HOXD9: variants seen among roughly 807,000 people sequenced by gnomAD.
HOXD9 encodes homeobox D9.
HOXD9 carries 21 observed loss-of-function variants against 24.6 expected under a neutral mutation model. The ratio of observed to expected loss-of-function variants is 0.85; its 90% CI spans 0.61 to 1.23. The LOEUF (loss-of-function observed/expected upper bound fraction) is 1.23, where lower values mean the gene tolerates loss of function less well. Among genes scored for constraint, HOXD9 ranks in the 50% most tolerant of loss-of-function variants. The pLI is 0.00. For missense variants in HOXD9, 503 were observed against 503.6 expected (o/e 1.00, Z 0.01); for synonymous variants, 240 against 226.4 (o/e 1.06, Z -0.54).
rs770786126 is a variant in HOXD9 at position 176,122,725 on chromosome 2, T to C, written c.-44T>C. On this transcript the variant is annotated 5_prime_UTR_variant, in exon 1 of 2. Coordinates refer to ENST00000249499, the MANE Select transcript of HOXD9 (RefSeq NM_014213.4). ...AGGCTGCAGCCTGCGAACTAGTCGG[T>C]GGCTCGGGCGCCGGCGGGGAGCTGC... The C allele has an allele frequency of 1.4e-6, 2 of 1,454,316 alleles. No homozygotes were observed. Among genetic ancestry groups the C allele is most frequent in the Non-Finnish European group, 1.8e-6 (2 of 1,104,894 alleles). 90.1% of individuals were successfully genotyped at this position (1,454,316 alleles called of 1,614,324 possible).
At position 176,122,904 on chromosome 2, in the gene HOXD9, C is replaced by CA. The variant is rs1271025951; in HGVS notation, c.137dup (p.Arg48ProfsTer7). 6.3e-7 allele frequency: 1 copy of CA among 1,587,944 alleles called. No individual in the cohort carries two copies. The highest frequency in any genetic ancestry group is 8.6e-7 in the Non-Finnish European group (1 of 1,168,906). ...CTTCGGGCCGCCGGGGCCAGGCGCG[C>CA]AGGGCCGGCCTGCAGGTGTGGCTGA... On this transcript the variant is annotated frameshift_variant, in exon 1 of 2. Transcript: ENST00000249499. LOFTEE classifies it high-confidence loss of function.
In HOXD9 at chr2:176,123,017, C is replaced by A; in HGVS notation, c.249C>A (p.Pro83=). The A allele has an allele frequency of 1.9e-6, 3 of 1,590,256 alleles. No homozygotes were observed. Among genetic ancestry groups the A allele is most frequent in the Non-Finnish European group, 2.6e-6 (3 of 1,170,884 alleles). ...TCTCTGCCTCGTGGTCCGCGGTGCC[C>A]TCCCAGCCCCCGGCAGCGGCGGCGA... is the stretch of plus-strand genomic sequence containing the variant. ...AVFSASWSAV[P]SQPPAAAAMS... is the part of the protein sequence containing the mutation. The change falls in exon 1 of 2, where the codon CCC becomes CCA. Residue 83 remains proline (P), a synonymous_variant. Transcript: ENST00000249499. The surrounding 1 kb of genome is among the most constrained non-coding windows in gnomAD (Gnocchi z 4.2).
Position 176,122,983 on chromosome 2 carries a change from C to A in HOXD9, c.215C>A (p.Ser72Ter). The change falls in exon 1 of 2, where the codon TCG becomes TAG. Residue 72 changes from serine to a stop codon, truncating the protein, a stop_gained. Transcript: ENST00000249499. LOFTEE classifies it high-confidence loss of function. ...GCCTCGTGTAGTTTTGCCCCCAGATCGGCCGTGTTCTCTGCCTCGTGGTCC... is the reference window on the plus strand; with the variant it reads ...GCCTCGTGTAGTTTTGCCCCCAGATAGGCCGTGTTCTCTGCCTCGTGGTCC... ...EFASCSFAPR[S>*]AVFSASWSAV... 1.3e-6 allele frequency: 2 copies of A among 1,597,240 alleles called. No homozygotes were observed. The highest frequency in any genetic ancestry group is 8.5e-7 in the Non-Finnish European group (1 of 1,173,670).
chr2:176,122,983 C>T lies in HOXD9; in HGVS notation c.215C>T (p.Ser72Leu). 1 of 1,597,242 alleles carries T rather than the reference C, an allele frequency of 6.3e-7. No homozygotes were observed. The highest frequency in any genetic ancestry group is 8.5e-7 in the Non-Finnish European group (1 of 1,173,670). The change falls in exon 1 of 2, where the codon TCG (serine) becomes TTG (leucine). Residue 72 changes from serine to leucine, a missense_variant. By Grantham distance (145) the Ser-to-Leu change is moderately radical. Transcript: ENST00000249499. ...GCCTCGTGTAGTTTTGCCCCCAGATCGGCCGTGTTCTCTGCCTCGTGGTCC... is the reference window on the plus strand; with the variant it reads ...GCCTCGTGTAGTTTTGCCCCCAGATTGGCCGTGTTCTCTGCCTCGTGGTCC... ...EFASCSFAPR[S>L]AVFSASWSAV... is the part of the protein sequence containing the mutation.
Position 176,124,367 on chromosome 2 carries a change from G to T in HOXD9, c.*192G>T. 1.3e-6 allele frequency: 1 copy of T among 773,188 alleles called. No homozygotes were observed. Among genetic ancestry groups the T allele is most frequent in the Non-Finnish European group, 1.8e-6 (1 of 542,420 alleles). 47.9% of individuals were successfully genotyped at this position (773,188 alleles called of 1,614,324 possible). On this transcript the variant is annotated 3_prime_UTR_variant, in exon 2 of 2. Transcript: ENST00000249499. ...GAGGTATTTGGGGGACTCTGTATTTGCTCGTTTACGTGTTGGAAAAACCAA... is the reference window on the plus strand; with the variant it reads ...GAGGTATTTGGGGGACTCTGTATTTTCTCGTTTACGTGTTGGAAAAACCAA...
chr2:176,123,575 A>G lies in HOXD9; in HGVS notation c.807A>G (p.Gln269=), dbSNP rs200391181. 7.4e-7 allele frequency: 1 copy of G among 1,343,142 alleles called. No individual in the cohort carries two copies. Among genetic ancestry groups the G allele is most frequent in the Non-Finnish European group, 1.0e-6 (1 of 1,000,556 alleles). The allele number at this position is 1,343,142 out of a possible 1,614,324, so 83.2% of individuals were successfully genotyped here. The change falls in exon 1 of 2, where the codon CAA becomes CAG. Residue 269 remains glutamine, a synonymous_variant. Coordinates refer to ENST00000249499, the MANE Select transcript of HOXD9 (RefSeq NM_014213.4). The surrounding 1 kb of genome is among the most constrained non-coding windows in gnomAD (Gnocchi z 4.2). ...AGCATTCGCAGCCGCAGCAGCAGCA[A>G]CTTGACCCAAGTAAGTGCAAAAGAA... ...EKQHSQPQQQ[Q]LDPNNPAANW...
rs1302111840 is a variant in HOXD9, at chr2:176,124,781, A to T, written c.*606A>T. 2 of 152,376 alleles carry T rather than the reference A, an allele frequency of 1.3e-5. No individual in the cohort carries two copies. Among genetic ancestry groups the T allele is most frequent in the Admixed American group, 6.5e-5 (1 of 15,282 alleles). 9.4% of individuals were successfully genotyped at this position (152,376 alleles called of 1,614,324 possible). ...GCGGGTTGGGGTTTGTCCTCAGTGC[A>T]TTGGACGCGCTGCTCTCTCCCCTGA... is the stretch of plus-strand genomic sequence containing the variant. On this transcript the variant is annotated 3_prime_UTR_variant, in exon 2 of 2. Coordinates refer to ENST00000249499, the MANE Select transcript of HOXD9 (RefSeq NM_014213.4).
At position 176,123,699 on chromosome 2, in the gene HOXD9, A is replaced by T; in HGVS notation, c.817+114A>T. On this transcript the variant is annotated intron_variant, in intron 1 of 1. Coordinates refer to ENST00000249499, the MANE Select transcript of HOXD9 (RefSeq NM_014213.4). This position sits in a 1 kb window ranked among gnomAD's most constrained non-coding sequence, Gnocchi z 4.2. ...AACGTCTAGACGCCTACCCAAGCCT[A>T]GGCGAACAACATGCATCCATAAAAA... 7.4e-7 allele frequency: 1 copy of T among 1,346,922 alleles called. No individual in the cohort carries two copies. Among genetic ancestry groups the T allele is most frequent in the South Asian group, 1.8e-5 (1 of 56,700 alleles). 83.4% of individuals were successfully genotyped at this position (1,346,922 alleles called of 1,614,324 possible).
In HOXD9 at chr2:176,122,943, A is replaced by G; in HGVS notation, c.175A>G (p.Thr59Ala). 5.1e-6 allele frequency: 8 copies of G among 1,581,524 alleles called. No homozygotes were observed. Among genetic ancestry groups the G allele is most frequent in the Non-Finnish European group, 6.9e-6 (8 of 1,166,554 alleles). The change falls in exon 1 of 2, where the codon ACC (threonine) becomes GCC (alanine). Residue 59 changes from threonine to alanine, a missense_variant. By Grantham distance (58) the Thr-to-Ala change is moderately conservative. Coordinates refer to ENST00000249499, the MANE Select transcript of HOXD9 (RefSeq NM_014213.4). ...AGGTGTGGCTGATGGCCCGGCCGCCACCGCCGCCGAGTTCGCCTCGTGTAG... is the reference window on the plus strand; with the variant it reads ...AGGTGTGGCTGATGGCCCGGCCGCCGCCGCCGCCGAGTTCGCCTCGTGTAG... The part of the protein sequence containing the change: ...PAGVADGPAA[T>A]AAEFASCSFA...
In HOXD9 at chr2:176,123,796, T is replaced by A; in HGVS notation, c.818-138T>A. 1 of 1,020,932 alleles carries A rather than the reference T, an allele frequency of 9.8e-7. No homozygotes were observed. Among genetic ancestry groups the A allele is most frequent in the Non-Finnish European group, 1.4e-6 (1 of 708,872 alleles). 63.2% of individuals were successfully genotyped at this position (1,020,932 alleles called of 1,614,324 possible). On this transcript the variant is annotated intron_variant, in intron 1 of 1. Coordinates refer to ENST00000249499, the MANE Select transcript of HOXD9 (RefSeq NM_014213.4). The surrounding 1 kb of genome is among the most constrained non-coding windows in gnomAD (Gnocchi z 4.2). ...ACAGAGCGCGAGCATTAAGGCTTTT[T>A]ATGATAATTCCCCACAAGTTGTGAA...
chr2:176,123,038 G>A lies in HOXD9; in HGVS notation c.270G>A (p.Ala90=), dbSNP rs746428400. 1.3e-6 allele frequency: 2 copies of A among 1,585,324 alleles called. No homozygotes were observed. The highest frequency in any genetic ancestry group is 3.5e-5 in the Admixed American group (2 of 57,596). The part of the protein sequence containing the change: ...SAVPSQPPAA[A]AMSGLYHPYV... ...TGCCCTCCCAGCCCCCGGCAGCGGCGGCGATGAGCGGCCTCTACCACCCGT... is the reference window on the plus strand; with the variant it reads ...TGCCCTCCCAGCCCCCGGCAGCGGCAGCGATGAGCGGCCTCTACCACCCGT... Residue 90 remains alanine (A), a synonymous_variant, in exon 1 of 2, where the codon GCG becomes GCA. Coordinates refer to ENST00000249499, the MANE Select transcript of HOXD9 (RefSeq NM_014213.4). The surrounding 1 kb of genome is among the most constrained non-coding windows in gnomAD (Gnocchi z 4.2).
rs769313756 is a variant in HOXD9 at position 176,123,269 on chromosome 2, C to T, written c.501C>T (p.Ala167=). The change falls in exon 1 of 2, where the codon GCC becomes GCT. Residue 167 remains alanine, a synonymous_variant. Transcript: ENST00000249499. This position sits in a 1 kb window ranked among gnomAD's most constrained non-coding sequence, Gnocchi z 4.2. Reference sequence around the variant, plus strand: ...GGATTAAGCCTGAAACCCGAGCGGCCCCGGCCCCCGCCACGGCCGCCTCCA... The same window carrying T: ...GGATTAAGCCTGAAACCCGAGCGGCTCCGGCCCCCGCCACGGCCGCCTCCA... ...HYGIKPETRA[A]PAPATAASTT... is the part of the protein sequence containing the mutation. 74 of 1,528,348 alleles carry T rather than the reference C, an allele frequency of 4.8e-5. No individual in the cohort carries two copies. The African/African-American group carries it at 9.8e-4, about 20-fold the overall frequency. 94.7% of individuals were successfully genotyped at this position (1,528,348 alleles called of 1,614,324 possible).
Position 176,123,555 on chromosome 2 carries a change from T to G in HOXD9, c.787T>G (p.Ser263Ala). The G allele has an allele frequency of 2.0e-6, 3 of 1,469,362 alleles. No individual in the cohort carries two copies. The highest frequency in any genetic ancestry group is 2.7e-6 in the Non-Finnish European group (3 of 1,108,470). 91.0% of individuals were successfully genotyped at this position (1,469,362 alleles called of 1,614,324 possible). ...CSLKEEEKQH[S>A]QPQQQQLDPN... ...GCTGAAGGAGGAGGAGAAGCAGCAT[T>G]CGCAGCCGCAGCAGCAGCAACTTGA... Residue 263 changes from serine (S) to alanine (A), a missense_variant, in exon 1 of 2, where the codon TCG becomes GCG. Coordinates refer to ENST00000249499, the MANE Select transcript of HOXD9 (RefSeq NM_014213.4). The surrounding 1 kb of genome is among the most constrained non-coding windows in gnomAD (Gnocchi z 4.2).
chr2:176,123,125 G>A lies in HOXD9; in HGVS notation c.357G>A (p.Trp119Ter), dbSNP rs1411703342. The A allele has an allele frequency of 2.1e-6, 3 of 1,440,272 alleles. No individual in the cohort carries two copies. The highest frequency in any genetic ancestry group is 1.8e-6 in the Non-Finnish European group (2 of 1,103,196). 89.2% of individuals were successfully genotyped at this position (1,440,272 alleles called of 1,614,324 possible). A position where few individuals can be genotyped will look rare whatever the true frequency, so the allele number is the denominator to read the frequency against. The change falls in exon 1 of 2, where the codon TGG (tryptophan) becomes TGA (stop). Residue 119 changes from tryptophan to a stop codon, truncating the protein, a stop_gained. Transcript: ENST00000249499. LOFTEE classifies it high-confidence loss of function. The surrounding 1 kb of genome is among the most constrained non-coding windows in gnomAD (Gnocchi z 4.2). ...AGCCCGGCCGCTACGTGCGCTCCTG[G>A]ATGGAGCCGCTGCCCGGCTTCCCGG... ...ASEPGRYVRS[W>*]MEPLPGFPGG... is the part of the protein sequence containing the mutation.
At position 176,123,272 on chromosome 2, in the gene HOXD9, G is replaced by A. The variant is rs1162600393; in HGVS notation, c.504G>A (p.Pro168=). The A allele has an allele frequency of 1.3e-6, 2 of 1,522,532 alleles. No individual in the cohort carries two copies. Among genetic ancestry groups the A allele is most frequent in the Non-Finnish European group, 8.8e-7 (1 of 1,131,142 alleles). 94.3% of individuals were successfully genotyped at this position (1,522,532 alleles called of 1,614,324 possible). A position where few individuals can be genotyped will look rare whatever the true frequency, so the allele number is the denominator to read the frequency against. The stretch of plus-strand genomic sequence containing the variant: ...TTAAGCCTGAAACCCGAGCGGCCCC[G>A]GCCCCCGCCACGGCCGCCTCCACCA... ...YGIKPETRAA[P]APATAASTTS... Residue 168 remains proline, a synonymous_variant, in exon 1 of 2, where the codon CCG becomes CCA. Coordinates refer to ENST00000249499, the MANE Select transcript of HOXD9 (RefSeq NM_014213.4). The surrounding 1 kb of genome is among the most constrained non-coding windows in gnomAD (Gnocchi z 4.2).
rs1265585341 is a variant in HOXD9 at position 176,122,863 on chromosome 2, A to T, written c.95A>T (p.Glu32Val). Residue 32 changes from glutamate to valine, a missense_variant, in exon 1 of 2, where the codon GAG becomes GTG. Coordinates refer to ENST00000249499, the MANE Select transcript of HOXD9 (RefSeq NM_014213.4). ...TCGCTTATAGGCCATGAGGGCGACG[A>T]GGTGTTCGCGGCGCGCTTCGGGCCG... ...VDSLIGHEGD[E>V]VFAARFGPPG... 6.3e-7 allele frequency: 1 copy of T among 1,595,954 alleles called. No individual in the cohort carries two copies. The highest frequency in any genetic ancestry group is 8.5e-7 in the Non-Finnish European group (1 of 1,172,744).
At position 176,123,118 on chromosome 2, in the gene HOXD9, G is replaced by A; in HGVS notation, c.350G>A (p.Arg117His). The change falls in exon 1 of 2, where the codon CGC becomes CAC. Residue 117 changes from arginine (R) to histidine (H), a missense_variant. Transcript: ENST00000249499. The surrounding 1 kb of genome is among the most constrained non-coding windows in gnomAD (Gnocchi z 4.2). ...GCCTCCGAGCCCGGCCGCTACGTGC[G>A]CTCCTGGATGGAGCCGCTGCCCGGC... ...ASASEPGRYV[R>H]SWMEPLPGFP... 1 of 1,453,296 alleles carries A rather than the reference G, an allele frequency of 6.9e-7. No homozygotes were observed. Among genetic ancestry groups the A allele is most frequent in the African/African-American group, 1.5e-5 (1 of 67,208 alleles). 90.0% of individuals were successfully genotyped at this position (1,453,296 alleles called of 1,614,324 possible). A position where few individuals can be genotyped will look rare whatever the true frequency, so the allele number is the denominator to read the frequency against.
In HOXD9 at chr2:176,123,728, C is replaced by A; in HGVS notation, c.817+143C>A. The A allele has an allele frequency of 8.3e-7, 1 of 1,205,004 alleles. No individual in the cohort carries two copies. 74.6% of individuals were successfully genotyped at this position (1,205,004 alleles called of 1,614,324 possible). A position where few individuals can be genotyped will look rare whatever the true frequency, so the allele number is the denominator to read the frequency against. On this transcript the variant is annotated intron_variant, in intron 1 of 1. Coordinates refer to ENST00000249499, the MANE Select transcript of HOXD9 (RefSeq NM_014213.4). The surrounding 1 kb of genome is among the most constrained non-coding windows in gnomAD (Gnocchi z 4.2). Reference sequence around the variant, plus strand: ...GAACAACATGCATCCATAAAAAGAGCTTCCCATAACCACCTACCCTGGGCG... The same window carrying A: ...GAACAACATGCATCCATAAAAAGAGATTCCCATAACCACCTACCCTGGGCG...
chr2:176,123,895 CT>C lies in HOXD9; in HGVS notation c.818-38del. Reference sequence around the variant, plus strand: ...CTGTGGTCTCTCCCTGCCTCCCCTCCTCTCCTCTCTCCCCGTCTCCAAACCT... The same window carrying C: ...CTGTGGTCTCTCCCTGCCTCCCCTCCCTCCTCTCTCCCCGTCTCCAAACCT... On this transcript the variant is annotated intron_variant, in intron 1 of 1. Transcript: ENST00000249499. The surrounding 1 kb of genome is among the most constrained non-coding windows in gnomAD (Gnocchi z 4.2). 6.4e-7 allele frequency: 1 copy of C among 1,566,534 alleles called. No individual in the cohort carries two copies. The highest frequency in any genetic ancestry group is 8.7e-7 in the Non-Finnish European group (1 of 1,143,350).
Sources: allele counts gnomAD v4.1 joint callset, GRCh38; gene constraint gnomAD v4.1.1; non-coding constraint Gnocchi (gnomAD v3.1); transcripts MANE v1.5; gene names NCBI Gene and HGNC (gene_info 2026-07-23, HGNC 2026-07-21).